The following TCF25 variants were observed in gnomAD, a reference collection of about 807,000 sequenced individuals.
The protein encoded by TCF25 is TCF25 ribosome quality control complex subunit.
A neutral mutation model predicts 83.1 loss-of-function variants in TCF25; 41 were observed. That is an observed-to-expected ratio of 0.49 (90% confidence interval 0.38 to 0.64). The LOEUF (loss-of-function observed/expected upper bound fraction) is 0.64. TCF25 is among the 30% of genes least tolerant of loss of function. The pLI is 0.00. For missense variants in TCF25, 979 were observed against 914.5 expected (o/e 1.07, Z -0.91); for synonymous variants, 458 against 365.0 (o/e 1.25, Z -2.90).
At chr16:89,875,529 T>G (rs1277512621) in intron 1 of TCF25, among the ~76,000 whole-genome samples, 2 of 137,300 alleles carry the variant, frequency 1.5e-5, no homozygotes, top group Non-Finnish European at 3.1e-5. Context: ...TTTTTTTTTT[T>G]TTTTTTTTTT....
intron 11 of TCF25, 62 bp downstream of exon 11, chr16:89,898,934 T>C: frequency 6.5e-7 from 1 of 1,532,344 alleles, no homozygotes; most frequent in South Asian, 1.1e-5. Flanking sequence ...TTCTGTTTTC[T>C]TGGTTCAGTA....
intron 1 of TCF25, among the ~76,000 whole-genome samples, chr16:89,880,338 C>G (rs1302959853): frequency 6.6e-6 from 1 of 152,214 alleles, no homozygotes; most frequent in Non-Finnish European, 1.5e-5. Flanking sequence ...AATCCCAGCA[C>G]TTTGGGAGTC....
rs1383355838 is a variant in TCF25, at chr16:89,896,729, A to G, written c.1022+646A>G. 2.0e-5 allele frequency among the ~76,000 whole-genome samples: 3 copies of G among 151,286 alleles called. No individual in the cohort carries two copies. In the East Asian group the frequency reaches 5.9e-4, roughly 30 times the overall value. ...CCACAACGCCTGGCTAATTTTTTGTATTTTCTAGTAGAGACGAGGTTTCAC... is the reference window on the plus strand; with the variant it reads ...CCACAACGCCTGGCTAATTTTTTGTGTTTTCTAGTAGAGACGAGGTTTCAC... On this transcript the variant is annotated intron_variant, in intron 9 of 17. Coordinates refer to ENST00000263346, the MANE Select transcript of TCF25 (RefSeq NM_014972.3).
chr16:89,892,907 G>C (rs1467306642), intron 6 of TCF25, among the ~76,000 whole-genome samples: 1 of 152,208 alleles, frequency 6.6e-6, no homozygotes, highest in African/African-American at 2.4e-5. Context: ...GCTGCTGTCA[G>C]CGCTGCCATG....
At position 89,908,819 on chromosome 16, in the gene TCF25, C is replaced by CCACCTCG; in HGVS notation, c.1799+1499_1799+1500insCCTCGCA. On this transcript the variant is annotated intron_variant, in intron 16 of 17. Transcript: ENST00000263346. ...CCTCCCAGCTCCCACCTCGCAGCTC[C>CCACCTCG]CAGCTCCCAGCTCCCACCTCGCAGC... 4 of 818,692 alleles carry CCACCTCG rather than the reference C, an allele frequency of 4.9e-6. 1 individual carries two copies. The highest frequency in any genetic ancestry group is 6.6e-6 in the Non-Finnish European group (4 of 605,278). 50.7% of individuals were successfully genotyped at this position (818,692 alleles called of 1,614,324 possible).
chr16:89,882,065 C>G (rs2042651484), intron 1 of TCF25, among the ~76,000 whole-genome samples: 1 of 152,168 alleles, frequency 6.6e-6, no homozygotes, highest in African/African-American at 2.4e-5. Flanking sequence ...CAGCCTCTCA[C>G]TAGCTGAGGA....
At chr16:89,883,213 G>C in intron 1 of TCF25, 138 bp from the exon 2 acceptor site, 1 of 1,170,848 alleles carries the variant, frequency 8.5e-7, no homozygotes, top group Non-Finnish European at 1.2e-6. Flanking sequence ...TCGGGTTCTT[G>C]CATCTTTCCC....
At chr16:89,893,424 G>C (rs562497626) in intron 6 of TCF25, among the ~76,000 whole-genome samples, 4 of 152,364 alleles carry the variant, frequency 2.6e-5, no homozygotes, top group East Asian at 3.9e-4. Flanking sequence ...TCTGTGGACT[G>C]TGTGTGTCCT....
chr16:89,892,676 G>A (rs2043528450), intron 6 of TCF25, among the ~76,000 whole-genome samples: 2 of 152,224 alleles, frequency 1.3e-5, no homozygotes, highest in Admixed American at 1.3e-4. Context: ...GCAATATTTT[G>A]TATATTATTG....
rs1224814918 is a variant in TCF25, at chr16:89,900,623, C to T, written c.1222-12C>T. On this transcript the variant is annotated splice_polypyrimidine_tract_variant and intron_variant, in intron 11 of 17. Coordinates refer to ENST00000263346, the MANE Select transcript of TCF25 (RefSeq NM_014972.3). ...CTTAAGGCTCCACGCTCTGTTTCTT[C>T]GTCCCTCGTAGGCTCATCGGAACCT... The T allele has an allele frequency of 3.2e-5, 50 of 1,566,838 alleles. No individual in the cohort carries two copies. Among genetic ancestry groups the T allele is most frequent in the Non-Finnish European group, 4.0e-5 (46 of 1,144,354 alleles).
Position 89,887,637 on chromosome 16 carries a change from T to C in TCF25, c.549-15T>C, listed in dbSNP as rs374808894. On this transcript the variant is annotated splice_polypyrimidine_tract_variant and intron_variant, in intron 4 of 17. Coordinates refer to ENST00000263346, the MANE Select transcript of TCF25 (RefSeq NM_014972.3). ...ATAATTTCATGTTTTTTTTCTACAA[T>C]TTTCAATTCCCCAGACACTTGAATC... The C allele has an allele frequency of 1.5e-4, 230 of 1,573,988 alleles. No homozygotes were observed. Among genetic ancestry groups the C allele is most frequent in the Non-Finnish European group, 1.8e-4 (212 of 1,166,764 alleles).
chr16:89,875,615 T>G (rs111636309), intron 1 of TCF25, among the ~76,000 whole-genome samples: 1 of 142,748 alleles, frequency 7.0e-6, no homozygotes, highest in African/African-American at 2.6e-5. Context: ...CTCCGCCTCC[T>G]GGGTTCACGC....
chr16:89,874,091 C>T (rs1188865332), intron 1 of TCF25, among the ~76,000 whole-genome samples: 43 of 38,812 alleles, frequency 1.1e-3, no homozygotes, highest in Admixed American at 1.2e-3. Flanking sequence ...GTTCTAACCC[C>T]GGTGAGGTGG....
At position 89,898,831 on chromosome 16, in the gene TCF25, C is replaced by T. The variant is rs1177818524; in HGVS notation, c.1180C>T (p.Arg394Trp). Residue 394 changes from arginine (R) to tryptophan (W), a missense_variant, in exon 11 of 18, where the codon CGG becomes TGG. By Grantham distance (101) the Arg-to-Trp change is moderately radical. Coordinates refer to ENST00000263346, the MANE Select transcript of TCF25 (RefSeq NM_014972.3). The stretch of plus-strand genomic sequence containing the variant: ...CATCGACCACCTGGCCTTGCGGGCC[C>T]GGAACTACGAGTACCTGATCCGCCT... ...LLIDHLALRA[R>W]NYEYLIRLFQ... The T allele has an allele frequency of 9.3e-6, 15 of 1,613,738 alleles. No homozygotes were observed. The highest frequency in any genetic ancestry group is 1.2e-5 in the Non-Finnish European group (14 of 1,180,050).
intron 1 of TCF25, among the ~76,000 whole-genome samples, chr16:89,879,971 G>T (rs951377126): frequency 3.3e-5 from 5 of 150,526 alleles, no homozygotes; most frequent in African/African-American, 1.2e-4. Flanking sequence ...AAACAGTCAG[G>T]ATCCCAGGAC....
intron 17 of TCF25, 136 bp downstream of exon 17, chr16:89,910,799 G>C: frequency 9.3e-7 from 1 of 1,076,098 alleles, no homozygotes; most frequent in South Asian, 1.5e-5. Flanking sequence ...AGGCTGCATT[G>C]TGCCAGTGGG....
chr16:89,905,558 CTAGTTCTGTGCATCAGCACCG>C (rs1259819293), intron 14 of TCF25, among the ~76,000 whole-genome samples: 2 of 152,220 alleles, frequency 1.3e-5, no homozygotes. Flanking sequence ...TGGCCCTGTG[CTAGTTCTGTGCATCAGCACCG>C]TGGCTCTGTG....
intron 9 of TCF25, 53 bp from the exon 10 acceptor site, chr16:89,898,497 TGAGCAGA>T: frequency 6.4e-7 from 1 of 1,568,816 alleles, no homozygotes; most frequent in Non-Finnish European, 8.7e-7. Flanking sequence ...GCCGGGGCGC[TGAGCAGA>T]GAGCATTCTC....
At chr16:89,883,758 A>ACACATGTGTCCCTCCTAGCCAACCGCG (rs2042775655) in intron 2 of TCF25, 6 of 460,188 alleles carry the variant, frequency 1.3e-5, no homozygotes, top group African/African-American at 1.2e-4. Context: ...ATGTAACCGC[A>ACACATGTGTCCCTCCTAGCCAACCGCG]CACGTGTGTC....
Sources: allele counts gnomAD v4.1 joint callset (sites outside exome capture counted in the v4.1 genomes callset), GRCh38; gene constraint gnomAD v4.1.1; transcripts MANE v1.5; gene names NCBI Gene and HGNC (gene_info 2026-07-23, HGNC 2026-07-21).